Variants in RAB38 observed in about 807,000 individuals in gnomAD.
RAB38 encodes ras-related protein Rab-38.
In RAB38, 15 loss-of-function variants were observed where a neutral mutation model predicts 18.4. The observed-to-expected ratio is 0.82, with a 90% CI of 0.55 to 1.26. The LOEUF is 1.26. RAB38 is among the 50% of genes most tolerant of loss of function. The pLI is 0.00. For synonymous variants in RAB38, 101 were observed against 104.4 expected, an observed-to-expected ratio of 0.97 and a Z score of 0.20; for missense variants, 294 against 267.4, an observed-to-expected ratio of 1.10 and a Z score of -0.69.
chr11:88,170,939 G>T (rs187452480), intron 1 of RAB38, among the ~76,000 whole-genome samples: 1 of 152,112 alleles, frequency 6.6e-6, no homozygotes, highest in South Asian at 2.1e-4. Flanking sequence ...TAAACAGACC[G>T]ACTGTTCCTA....
intron 2 of RAB38, among the ~76,000 whole-genome samples, chr11:88,131,128 T>G (rs1942762553): frequency 6.6e-6 from 1 of 151,786 alleles, no homozygotes; most frequent in African/African-American, 2.4e-5. Flanking sequence ...AAAAAGAGGG[T>G]TAATGATAGG....
At chr11:87,914,541 A>T in the RAB38 span, among the ~76,000 whole-genome samples, 4 of 152,154 alleles carry the variant, frequency 2.6e-5, no homozygotes, top group Non-Finnish European at 4.4e-5. Flanking sequence ...TTTATAATTA[A>T]AAGGGAAGCA....
chr11:87,836,630 T>C, the RAB38 span, among the ~76,000 whole-genome samples: 1 of 152,312 alleles, frequency 6.6e-6, no homozygotes, highest in South Asian at 2.1e-4. Flanking sequence ...GTCTTCTATG[T>C]GCAGGTTGGT....
At chr11:88,115,297 C>A (rs946344382) in intron 2 of RAB38, among the ~76,000 whole-genome samples, 2 of 152,130 alleles carry the variant, frequency 1.3e-5, no homozygotes, top group African/African-American at 2.4e-5. Flanking sequence ...TACTACAGAA[C>A]CTTGTTGTCC....
chr11:87,896,336 G>C, the RAB38 span, among the ~76,000 whole-genome samples: 1 of 151,688 alleles, frequency 6.6e-6, no homozygotes, highest in African/African-American at 2.4e-5. Flanking sequence ...CAAGATGTCT[G>C]TACCAAAAGT....
the RAB38 span, among the ~76,000 whole-genome samples, chr11:88,033,806 C>T: frequency 1.4e-5 from 2 of 142,748 alleles, no homozygotes; most frequent in African/African-American, 2.6e-5. Flanking sequence ...CAGCTGACTG[C>T]AAGCTCCGCC....
the RAB38 span, among the ~76,000 whole-genome samples, chr11:87,807,797 T>C: frequency 6.6e-6 from 1 of 152,190 alleles, no homozygotes; most frequent in African/African-American, 2.4e-5. Context: ...CTGTTATCTC[T>C]GAGGAGAGTA....
At chr11:88,046,916 C>A in the RAB38 span, among the ~76,000 whole-genome samples, 1 of 152,166 alleles carries the variant, frequency 6.6e-6, no homozygotes, top group Admixed American at 6.5e-5. Flanking sequence ...CACTTCATTA[C>A]CCACAGCTGA....
At chr11:87,852,634 A>C in the RAB38 span, among the ~76,000 whole-genome samples, 1 of 152,156 alleles carries the variant, frequency 6.6e-6, no homozygotes, top group African/African-American at 2.4e-5. Flanking sequence ...ATAACAATAA[A>C]ATGTTATTTT....
chr11:87,903,089 A>C, the RAB38 span, among the ~76,000 whole-genome samples: 2 of 151,326 alleles, frequency 1.3e-5, no homozygotes, highest in Non-Finnish European at 3.0e-5. Flanking sequence ...TAATTACATT[A>C]ACTAGAATGT....
At chr11:88,127,169 T>G (rs1228005131) in intron 2 of RAB38, among the ~76,000 whole-genome samples, 1 of 152,224 alleles carries the variant, frequency 6.6e-6, no homozygotes, top group Non-Finnish European at 1.5e-5. Flanking sequence ...TCGTGGAGTG[T>G]GCCTTGTGTT....
the RAB38 span, among the ~76,000 whole-genome samples, chr11:87,814,795 A>G: frequency 6.7e-6 from 1 of 149,876 alleles, no homozygotes; most frequent in East Asian, 2.0e-4. Context: ...CTGCAGTGGC[A>G]CTATCTCGGC....
intron 1 of RAB38, among the ~76,000 whole-genome samples, chr11:88,162,746 C>T (rs548449853): frequency 6.6e-6 from 1 of 152,214 alleles, no homozygotes; most frequent in South Asian, 2.1e-4. Context: ...CACCCTCTGA[C>T]CTCCTGTGGG....
chr11:88,029,592 A>G, the RAB38 span, among the ~76,000 whole-genome samples: 1 of 152,206 alleles, frequency 6.6e-6, no homozygotes, highest in Non-Finnish European at 1.5e-5. Context: ...AGTCTCTGAT[A>G]AAACAGACTT....
At chr11:88,123,741 T>C (rs1355029574) in intron 2 of RAB38, among the ~76,000 whole-genome samples, 1 of 152,206 alleles carries the variant, frequency 6.6e-6, no homozygotes, top group Non-Finnish European at 1.5e-5. Context: ...GCCTTACCTA[T>C]AAGGCAGAGA....
At chr11:87,971,863 A>G in the RAB38 span, among the ~76,000 whole-genome samples, 1 of 152,056 alleles carries the variant, frequency 6.6e-6, no homozygotes. Context: ...TGTAGTAGAC[A>G]GAATGCACAT....
the RAB38 span, among the ~76,000 whole-genome samples, chr11:87,849,888 T>C: frequency 6.6e-6 from 1 of 152,104 alleles, no homozygotes; most frequent in Non-Finnish European, 1.5e-5. Context: ...CTTTTATAAT[T>C]GAGGGATCAT....
the RAB38 span, among the ~76,000 whole-genome samples, chr11:88,041,260 C>A: frequency 6.6e-6 from 1 of 152,180 alleles, no homozygotes; most frequent in South Asian, 2.1e-4. Flanking sequence ...TCCTCACCTG[C>A]GTTTTCAGTC....
the RAB38 span, among the ~76,000 whole-genome samples, chr11:87,865,947 G>T: frequency 6.6e-6 from 1 of 151,670 alleles, no homozygotes. Flanking sequence ...CAGAGAGGCA[G>T]TTACAGATAC....
Sources: gnomAD v4.1 joint callset for allele counts (sites outside exome capture counted in the v4.1 genomes callset) on GRCh38, gnomAD v4.1.1 for gene constraint, MANE v1.5 for transcripts, NCBI Gene and HGNC (gene_info 2026-07-23, HGNC 2026-07-21) for gene names.